Variants in DCC observed in about 807,000 individuals in gnomAD.
DCC encodes the protein DCC netrin 1 receptor.
Under a neutral mutation model 172.5 loss-of-function variants are expected in DCC, and 58 were observed. The ratio of observed to expected loss-of-function variants is 0.34; its 90% CI spans 0.27 to 0.42. The LOEUF is 0.42. Ranked by LOEUF, DCC falls within the 10% of genes least tolerant of loss-of-function variation. DCC has a pLI of 1.00. For missense variants in DCC, 1,740 were observed against 1,791.0 expected (o/e 0.97, Z 0.51); for synonymous variants, 709 against 644.5 (o/e 1.10, Z -1.52).
chr18:53,023,150 A>G (rs2041904859), intron 5 of DCC, among the ~76,000 whole-genome samples: 1 of 151,982 alleles, frequency 6.6e-6, no homozygotes, highest in South Asian at 2.1e-4. Flanking sequence ...AGTAATTAGT[A>G]CTACTTAACA....
chr18:52,674,962 A>G (rs2035624272), intron 1 of DCC, among the ~76,000 whole-genome samples: 1 of 152,292 alleles, frequency 6.6e-6, no homozygotes, highest in East Asian at 1.9e-4. Flanking sequence ...GAAGCCTACT[A>G]CCTGGAGGCT....
intron 12 of DCC, among the ~76,000 whole-genome samples, chr18:53,305,168 G>A (rs187384527): frequency 5.8e-4 from 88 of 152,262 alleles, no homozygotes; most frequent in Non-Finnish European, 9.0e-4. Flanking sequence ...AAATTACCCA[G>A]TCTCAAGTAT....
At chr18:53,241,165 A>G (rs2056287275) in intron 12 of DCC, among the ~76,000 whole-genome samples, 1 of 152,136 alleles carries the variant, frequency 6.6e-6, no homozygotes, top group Non-Finnish European at 1.5e-5. Flanking sequence ...AGGAGGTGTA[A>G]GGTGAAGTCT....
chr18:53,150,385 G>A (rs1893369), intron 7 of DCC, among the ~76,000 whole-genome samples: 148,167 of 152,324 alleles, frequency 0.97, 72,192 homozygotes, highest in Middle Eastern at 1. Context: ...AAAGCCTTCC[G>A]TTTAGCTGGA....
At chr18:53,471,173 T>G (rs375204449) in intron 25 of DCC, among the ~76,000 whole-genome samples, 2 of 152,314 alleles carry the variant, frequency 1.3e-5, no homozygotes, top group East Asian at 3.9e-4. Context: ...TTCGTATTTT[T>G]TGTGGGTACA....
At chr18:53,330,699 T>C (rs2057521317) in intron 14 of DCC, among the ~76,000 whole-genome samples, 2 of 152,188 alleles carry the variant, frequency 1.3e-5, no homozygotes, top group Admixed American at 1.3e-4. Context: ...CTCAGCTGCA[T>C]CCTGGATCAA....
intron 5 of DCC, among the ~76,000 whole-genome samples, chr18:52,961,343 A>G (rs2145568498): frequency 6.6e-6 from 1 of 152,294 alleles, no homozygotes; most frequent in East Asian, 1.9e-4. Flanking sequence ...CTAAGACACA[A>G]TGATAGCACT....
intron 26 of DCC, among the ~76,000 whole-genome samples, chr18:53,498,291 T>G (rs908234921): frequency 6.6e-6 from 1 of 152,238 alleles, no homozygotes; most frequent in African/African-American, 2.4e-5. Context: ...TTGAAATATT[T>G]CCTGGTTAAA....
intron 2 of DCC, among the ~76,000 whole-genome samples, chr18:52,780,015 T>C (rs2037505588): frequency 6.6e-6 from 1 of 152,132 alleles, no homozygotes; most frequent in South Asian, 2.1e-4. Flanking sequence ...CTTTACAGTT[T>C]TGGGATTTCC....
chr18:53,163,896 C>T (rs1434020865), intron 8 of DCC, among the ~76,000 whole-genome samples: 1 of 152,208 alleles, frequency 6.6e-6, no homozygotes, highest in Non-Finnish European at 1.5e-5. Context: ...ACAGTGACAG[C>T]AAGCATTTAT....
intron 4 of DCC, among the ~76,000 whole-genome samples, chr18:52,924,086 T>C (rs2040164349): frequency 6.6e-6 from 1 of 152,084 alleles, no homozygotes; most frequent in Non-Finnish European, 1.5e-5. Context: ...GAAAGGAAAC[T>C]GAGGAAGTCA....
At chr18:52,379,976 G>C (rs906876980) in intron 1 of DCC, among the ~76,000 whole-genome samples, 2 of 152,142 alleles carry the variant, frequency 1.3e-5, no homozygotes, top group African/African-American at 4.8e-5. Flanking sequence ...TCAAGAGCAA[G>C]GTACTGGTAG....
intron 2 of DCC, among the ~76,000 whole-genome samples, chr18:52,779,642 G>T (rs1350081174): frequency 6.6e-6 from 1 of 152,150 alleles, no homozygotes; most frequent in Admixed American, 6.5e-5. Flanking sequence ...ATAGTAGAAT[G>T]ATTTATAATC....
At chr18:53,287,381 C>T (rs527316501) in intron 12 of DCC, among the ~76,000 whole-genome samples, 1 of 152,250 alleles carries the variant, frequency 6.6e-6, no homozygotes, top group East Asian at 1.9e-4. Flanking sequence ...ACCCATTCAT[C>T]AGATAGTGGG....
intron 1 of DCC, among the ~76,000 whole-genome samples, chr18:52,608,997 C>T (rs1455623531): frequency 6.6e-6 from 1 of 152,126 alleles, no homozygotes; most frequent in Non-Finnish European, 1.5e-5. Flanking sequence ...GTATTTGAAG[C>T]AAGCATCCAA....
chr18:53,157,270 C>T (rs1165020463), intron 7 of DCC, 86 bp from the exon 8 acceptor site: 15 of 1,528,230 alleles, frequency 9.8e-6, no homozygotes, highest in South Asian at 3.4e-5. Context: ...CATGGAGATG[C>T]TTGCTAATAG....
chr18:52,786,011 C>T (rs2037650186), intron 2 of DCC, among the ~76,000 whole-genome samples: 1 of 152,030 alleles, frequency 6.6e-6, no homozygotes, highest in Non-Finnish European at 1.5e-5. Context: ...ACTCTGTGTC[C>T]ACTATTCCAG....
intron 5 of DCC, among the ~76,000 whole-genome samples, chr18:52,995,782 G>A (rs2041467938): frequency 6.6e-6 from 1 of 151,886 alleles, no homozygotes; most frequent in African/African-American, 2.4e-5. Flanking sequence ...GAGGAGAGGA[G>A]CCTAACTTCA....
intron 2 of DCC, among the ~76,000 whole-genome samples, chr18:52,827,574 A>G (rs1337148917): frequency 6.6e-6 from 1 of 152,246 alleles, no homozygotes; most frequent in Non-Finnish European, 1.5e-5. Flanking sequence ...CAAAGAAAAC[A>G]ATATTAAATG....
Sources: gnomAD v4.1 joint callset for allele counts (sites outside exome capture counted in the v4.1 genomes callset) on GRCh38, gnomAD v4.1.1 for gene constraint, MANE v1.5 for transcripts, NCBI Gene and HGNC (gene_info 2026-07-23, HGNC 2026-07-21) for gene names.